The following SV2C variants were observed in gnomAD, a reference collection of about 807,000 sequenced individuals.
The protein encoded by SV2C is solute carrier family 22 member B3.
SV2C carries 49 observed loss-of-function variants against 79.7 expected under a neutral mutation model. The ratio of observed to expected loss-of-function variants is 0.61; its 90% CI spans 0.49 to 0.78. The LOEUF is 0.78. Ranked by LOEUF, SV2C falls within the 30% of genes least tolerant of loss-of-function variation. The pLI is 0.00. For synonymous variants in SV2C, 334 were observed against 333.2 expected (o/e 1.00, Z -0.03); for missense variants, 833 against 912.9 (o/e 0.91, Z 1.13).
At chr5:76,218,962 G>A (rs1386901205) in intron 4 of SV2C, among the ~76,000 whole-genome samples, 1 of 69,706 alleles carries the variant, frequency 1.4e-5, no homozygotes, top group Non-Finnish European at 3.1e-5. Context: ...TTTCTCAATG[G>A]TTCACCTGTC....
chr5:76,349,476 C>A (rs1054003535), intron 12 of SV2C, among the ~76,000 whole-genome samples: 4 of 152,152 alleles, frequency 2.6e-5, no homozygotes, highest in African/African-American at 9.7e-5. Context: ...CGCGCCACTG[C>A]ACTCCAGCCT....
chr5:76,305,699 T>A (rs1371054266), intron 12 of SV2C, among the ~76,000 whole-genome samples: 1 of 152,210 alleles, frequency 6.6e-6, no homozygotes, highest in East Asian at 1.9e-4. Context: ...AGCACTTTTC[T>A]GTGCCAAAAA....
chr5:76,146,278 C>T (rs115099461), intron 2 of SV2C, among the ~76,000 whole-genome samples: 2,152 of 152,206 alleles, frequency 0.014, 58 homozygotes, highest in African/African-American at 0.049. Context: ...GGTGACTCCA[C>T]GGTAAAAGCA....
At chr5:76,171,539 C>A (rs1297631343) in intron 2 of SV2C, among the ~76,000 whole-genome samples, 2 of 142,300 alleles carry the variant, frequency 1.4e-5, no homozygotes, top group Admixed American at 6.9e-5. Context: ...AGCCTCTCCG[C>A]CCGGCAGCCA....
At chr5:75,888,283 C>T in the SV2C span, among the ~76,000 whole-genome samples, 1 of 151,484 alleles carries the variant, frequency 6.6e-6, no homozygotes, top group Non-Finnish European at 1.5e-5. Flanking sequence ...AAGATGGTAC[C>T]ATTAGACATG....
the SV2C span, among the ~76,000 whole-genome samples, chr5:75,864,070 G>T: frequency 6.6e-6 from 1 of 151,988 alleles, no homozygotes; most frequent in Non-Finnish European, 1.5e-5. Context: ...CATGGTTATA[G>T]TTTCTTGTTT....
chr5:76,204,290 TG>T (rs1039742158), intron 3 of SV2C, among the ~76,000 whole-genome samples: 1 of 152,244 alleles, frequency 6.6e-6, no homozygotes, highest in African/African-American at 2.4e-5. Flanking sequence ...ATATTTTTCA[TG>T]CAAGTTATTT....
intron 1 of SV2C, among the ~76,000 whole-genome samples, chr5:76,096,499 G>A (rs1580262532): frequency 6.6e-6 from 1 of 152,038 alleles, no homozygotes. Flanking sequence ...AGCATGGCTG[G>A]GGTTTTTTCA....
chr5:76,034,919 C>T, the SV2C span, among the ~76,000 whole-genome samples: 8 of 152,148 alleles, frequency 5.3e-5, no homozygotes, highest in African/African-American at 1.9e-4. Context: ...TATTGCCACA[C>T]TTTCAGCTCC....
At chr5:76,290,837 G>GA (rs763374744) in intron 6 of SV2C, among the ~76,000 whole-genome samples, 4 of 152,140 alleles carry the variant, frequency 2.6e-5, no homozygotes, top group African/African-American at 4.8e-5. Context: ...AGGTTTCAAA[G>GA]AAAAAAATGT....
At chr5:75,877,512 T>C in the SV2C span, among the ~76,000 whole-genome samples, 1 of 151,884 alleles carries the variant, frequency 6.6e-6, no homozygotes, top group East Asian at 1.9e-4. Flanking sequence ...ATATGTTGGA[T>C]CATTTTTTAA....
At chr5:76,092,655 A>G (rs1440045793) in intron 1 of SV2C, among the ~76,000 whole-genome samples, 1 of 152,138 alleles carries the variant, frequency 6.6e-6, no homozygotes, top group Non-Finnish European at 1.5e-5. Flanking sequence ...TTTTGCTTTT[A>G]GGCACATTTT....
intron 3 of SV2C, among the ~76,000 whole-genome samples, chr5:76,208,399 C>T (rs1744671891): frequency 6.6e-6 from 1 of 152,202 alleles, no homozygotes; most frequent in South Asian, 2.1e-4. Flanking sequence ...CCTAAGTGGT[C>T]TTCCCATGTC....
chr5:75,995,724 C>T, the SV2C span, among the ~76,000 whole-genome samples: 1 of 152,036 alleles, frequency 6.6e-6, no homozygotes, highest in East Asian at 1.9e-4. Flanking sequence ...ATATTCAGAG[C>T]TCATATCTGG....
chr5:75,902,208 G>A, the SV2C span, among the ~76,000 whole-genome samples: 1 of 152,184 alleles, frequency 6.6e-6, no homozygotes, highest in African/African-American at 2.4e-5. Flanking sequence ...GTGGACCGGA[G>A]CTGTTCCTAT....
intron 3 of SV2C, among the ~76,000 whole-genome samples, chr5:76,197,527 T>C (rs1744303162): frequency 6.6e-6 from 1 of 152,098 alleles, no homozygotes; most frequent in South Asian, 2.1e-4. Context: ...GGGGGAGTCA[T>C]GTGAGCTTAG....
chr5:76,252,707 A>T (rs578065098), intron 4 of SV2C, among the ~76,000 whole-genome samples: 3 of 152,254 alleles, frequency 2.0e-5, no homozygotes, highest in Admixed American at 1.3e-4. Flanking sequence ...AAAAGAATCA[A>T]ATAAGCTAGT....
At chr5:76,105,773 G>T (rs1747889710) in intron 1 of SV2C, among the ~76,000 whole-genome samples, 1 of 152,114 alleles carries the variant, frequency 6.6e-6, no homozygotes, top group African/African-American at 2.4e-5. Flanking sequence ...AATTTCAAGT[G>T]AAATTGCAGT....
the SV2C span, among the ~76,000 whole-genome samples, chr5:76,021,163 T>A: frequency 6.6e-6 from 1 of 152,228 alleles, no homozygotes; most frequent in African/African-American, 2.4e-5. Context: ...GTGCTCTTTA[T>A]AAGACTAATA....
Sources: gnomAD v4.1 joint callset for allele counts (sites outside exome capture counted in the v4.1 genomes callset) on GRCh38, gnomAD v4.1.1 for gene constraint, MANE v1.5 for transcripts, NCBI Gene and HGNC (gene_info 2026-07-23, HGNC 2026-07-21) for gene names.